Variants in BRSK2 observed in about 807,000 individuals in gnomAD.
BRSK2 encodes the protein serine/threonine-protein kinase BRSK2.
BRSK2 carries 19 observed loss-of-function variants against 83.3 expected under a neutral mutation model. The observed-to-expected ratio is 0.23, with a 90% CI of 0.16 to 0.33. The LOEUF (loss-of-function observed/expected upper bound fraction) is 0.33. Among genes scored for constraint, BRSK2 ranks in the 10% least tolerant of loss-of-function variants. The pLI is 1.00. For synonymous variants in BRSK2, 519 were observed against 435.4 expected (o/e 1.19, Z -2.39); for missense variants, 798 against 1,042.3 (o/e 0.77, Z 3.23).
rs1040846618 is a variant in BRSK2 at position 1,451,389 on chromosome 11, T to C, written c.1514T>C (p.Met505Thr). The C allele has an allele frequency of 3.1e-6, 5 of 1,612,858 alleles. No homozygotes were observed. The highest frequency in any genetic ancestry group is 4.2e-6 in the Non-Finnish European group (5 of 1,179,924). Reference sequence around the variant, plus strand: ...TGCACAGTTCCGACGCCGGAGGAGATGTCCAACCTGACACCAGAGTCGTCC... The same window carrying C: ...TGCACAGTTCCGACGCCGGAGGAGACGTCCAACCTGACACCAGAGTCGTCC... ...RKLQVPTPEEMSNLTPESSPE... is the reference protein window; with the variant it reads ...RKLQVPTPEETSNLTPESSPE... The change falls in exon 15 of 20, where the codon ATG becomes ACG. Residue 505 changes from methionine to threonine, a missense_variant. Transcript: ENST00000528841.
intron 1 of BRSK2, among the ~76,000 whole-genome samples, chr11:1,416,804 G>A (rs1021929812): frequency 6.6e-6 from 1 of 152,156 alleles, no homozygotes; most frequent in African/African-American, 2.4e-5. Flanking sequence ...AGTGAGCCCC[G>A]TGGATCCACG....
Position 1,443,638 on chromosome 11 carries a change from G to C in BRSK2, c.780+3G>C. 1 of 1,592,654 alleles carries C rather than the reference G, an allele frequency of 6.3e-7. No homozygotes were observed. Among genetic ancestry groups the C allele is most frequent in the African/African-American group, 1.3e-5 (1 of 74,204 alleles). On this transcript the variant is annotated splice_donor_region_variant and intron_variant, in intron 8 of 19. Transcript: ENST00000528841. ...TGGACGCCGCACGCCGCCTCACGGT[G>C]CGTGCCCTCGGAGCGGGGCGGCCCC...
intron 2 of BRSK2, among the ~76,000 whole-genome samples, chr11:1,437,257 C>T (rs1285619148): frequency 1.3e-5 from 2 of 152,142 alleles, no homozygotes; most frequent in African/African-American, 4.8e-5. Context: ...GCACAGATGT[C>T]CGCCTGGGAG....
At chr11:1,434,646 G>A (rs771587609) in intron 1 of BRSK2, among the ~76,000 whole-genome samples, 18 of 146,256 alleles carry the variant, frequency 1.2e-4, no homozygotes, top group Non-Finnish European at 1.9e-4. Flanking sequence ...GCACCCAGGA[G>A]TGGGGTCCTC....
chr11:1,459,099 C>A (rs960003228), intron 18 of BRSK2, 93 bp from the exon 19 acceptor site: 1 of 1,318,390 alleles, frequency 7.6e-7, no homozygotes, highest in Non-Finnish European at 1.1e-6. Context: ...CCTGGCTCCA[C>A]CCCCTCCCCA....
chr11:1,434,453 CA>C (rs1226310977), intron 1 of BRSK2, among the ~76,000 whole-genome samples: 24 of 146,946 alleles, frequency 1.6e-4, no homozygotes, highest in African/African-American at 5.1e-4. Flanking sequence ...TAATATGGGC[CA>C]GGATCTGCGT....
At chr11:1,450,281 CT>C (rs1229350447) in intron 13 of BRSK2, among the ~76,000 whole-genome samples, 26 of 152,104 alleles carry the variant, frequency 1.7e-4, no homozygotes, top group Non-Finnish European at 3.1e-4. Flanking sequence ...GGCCCGCCCC[CT>C]GGCCACCTCC....
intron 5 of BRSK2, 125 bp from the exon 6 acceptor site, chr11:1,442,981 A>C: frequency 3.6e-6 from 4 of 1,101,158 alleles, no homozygotes; most frequent in Non-Finnish European, 5.1e-6. Flanking sequence ...GATGCAGGGA[A>C]TGTGGGGGCG....
intron 1 of BRSK2, among the ~76,000 whole-genome samples, chr11:1,424,737 C>CGGG (rs113753237): frequency 2.6e-5 from 4 of 151,208 alleles, no homozygotes; most frequent in Non-Finnish European, 5.9e-5. Flanking sequence ...CAGAGGGAGT[C>CGGG]GGGGGGGCCA....
chr11:1,461,083 GC>G lies in BRSK2; in HGVS notation c.*363del. 1.9e-6 allele frequency: 3 copies of G among 1,556,118 alleles called. No individual in the cohort carries two copies. The highest frequency in any genetic ancestry group is 8.8e-7 in the Non-Finnish European group (1 of 1,140,828). Reference sequence around the variant, plus strand: ...CCTGCTGTTGCTGCCGGGCAGTGAGGCCCAGCCCAGCGCCCCGTCCACCCCG... The same window carrying G: ...CCTGCTGTTGCTGCCGGGCAGTGAGGCCAGCCCAGCGCCCCGTCCACCCCG... On this transcript the variant is annotated 3_prime_UTR_variant, in exon 20 of 20. Transcript: ENST00000528841.
intron 12 of BRSK2, among the ~76,000 whole-genome samples, chr11:1,449,309 A>G (rs1408730905): frequency 6.6e-6 from 1 of 152,176 alleles, no homozygotes; most frequent in Non-Finnish European, 1.5e-5. Context: ...CCGCTGACCC[A>G]GGCATCCCTC....
At chr11:1,420,697 T>A (rs1218101496) in intron 1 of BRSK2, among the ~76,000 whole-genome samples, 2 of 152,068 alleles carry the variant, frequency 1.3e-5, no homozygotes, top group Admixed American at 1.3e-4. Flanking sequence ...GACTGTCCCC[T>A]CGGGATACAC....
chr11:1,451,617 G>C (rs981806997), intron 15 of BRSK2, among the ~76,000 whole-genome samples, 198 bp downstream of exon 15: 1 of 152,214 alleles, frequency 6.6e-6, no homozygotes, highest in African/African-American at 2.4e-5. Context: ...GCCAGGGGAG[G>C]AGCCCCCAGC....
chr11:1,438,499 C>T lies in BRSK2; in HGVS notation c.272+108C>T, dbSNP rs1202166786. The T allele has an allele frequency of 2.0e-6, 2 of 983,366 alleles. No individual in the cohort carries two copies. The highest frequency in any genetic ancestry group is 3.1e-6 in the Non-Finnish European group (2 of 635,332). 60.9% of individuals were successfully genotyped at this position (983,366 alleles called of 1,614,324 possible). A position where few individuals can be genotyped will look rare whatever the true frequency, so the allele number is the denominator to read the frequency against. On this transcript the variant is annotated intron_variant, in intron 3 of 19. Coordinates refer to ENST00000528841, the MANE Select transcript of BRSK2 (RefSeq NM_001256627.2). The surrounding 1 kb of genome is among the most constrained non-coding windows in gnomAD (Gnocchi z 6.4). The stretch of plus-strand genomic sequence containing the variant: ...CACAGGGGCTGGAGGCCAGGGGCGC[C>T]TGCTGCATCCCAGCAGCCCTGGCCC...
chr11:1,454,337 C>A lies in BRSK2; in HGVS notation c.1545-148C>A. 1.1e-6 allele frequency: 1 copy of A among 931,458 alleles called. No homozygotes were observed. 57.7% of individuals were successfully genotyped at this position (931,458 alleles called of 1,614,324 possible). On this transcript the variant is annotated intron_variant, in intron 15 of 19. Transcript: ENST00000528841. The surrounding 1 kb of genome is among the most constrained non-coding windows in gnomAD (Gnocchi z 5.2). The stretch of plus-strand genomic sequence containing the variant: ...TAGGGTTAGGGCGTTGGGGTCAGGG[C>A]CATGGGTTCTGGCTAGCACTGTGGA...
chr11:1,434,186 C>T (rs1353107644), intron 1 of BRSK2, among the ~76,000 whole-genome samples: 2 of 152,236 alleles, frequency 1.3e-5, no homozygotes, highest in East Asian at 1.9e-4. Flanking sequence ...ACACCGGTGA[C>T]GTCCCGCGGG....
rs1851982292 is a variant in BRSK2 at position 1,445,875 on chromosome 11, G to A, written c.1194G>A (p.Arg398=). 1 of 1,611,440 alleles carries A rather than the reference G, an allele frequency of 6.2e-7. No individual in the cohort carries two copies. Among genetic ancestry groups the A allele is most frequent in the East Asian group, 2.2e-5 (1 of 44,852 alleles). Residue 398 remains arginine (R), a synonymous_variant, in exon 12 of 20, where the codon CGG becomes CGA. Transcript: ENST00000528841. ...VTDGGSPVPA[R]RAIEMAQHGQ... ...ACGGCGGCTCCCCGGTGCCTGCGCG[G>A]CGGGCCATTGAGATGGCCCAGCACG...
chr11:1,418,514 G>C (rs528575511), intron 1 of BRSK2, among the ~76,000 whole-genome samples: 27 of 145,384 alleles, frequency 1.9e-4, no homozygotes, highest in African/African-American at 6.4e-4. Flanking sequence ...TTCTTCTCTT[G>C]AGAGTGGGTC....
At chr11:1,426,271 TGTGTGTGGGGCGTGCTCTG>T (rs1175978900) in intron 1 of BRSK2, among the ~76,000 whole-genome samples, 10 of 146,882 alleles carry the variant, frequency 6.8e-5, no homozygotes, top group Admixed American at 3.4e-4. Context: ...GCTCCGGGGA[TGTGTGTGGGGCGTGCTCTG>T]GGGATGTGTG....
Sources: gnomAD v4.1 joint callset for allele counts (sites outside exome capture counted in the v4.1 genomes callset) on GRCh38, gnomAD v4.1.1 for gene constraint, Gnocchi (gnomAD v3.1) non-coding constraint, MANE v1.5 for transcripts, NCBI Gene and HGNC (gene_info 2026-07-23, HGNC 2026-07-21) for gene names.